The following KIAA1328 variants were observed in gnomAD, a reference collection of about 807,000 sequenced individuals.
KIAA1328 encodes KIAA1328, also known as protein hinderin.
KIAA1328 carries 52 observed loss-of-function variants against 68.1 expected under a neutral mutation model. The observed-to-expected ratio is 0.76, with a 90% CI of 0.61 to 0.96. The LOEUF is 0.96. Ranked by LOEUF, KIAA1328 falls within the 40% of genes least tolerant of loss-of-function variation. KIAA1328 has a pLI of 0.00. For synonymous variants in KIAA1328, 232 were observed against 239.4 expected, an observed-to-expected ratio of 0.97 and a Z score of 0.28; for missense variants, 641 against 677.6, an observed-to-expected ratio of 0.95 and a Z score of 0.60.
chr18:37,191,040 C>T (rs1390212527), intron 9 of KIAA1328, among the ~76,000 whole-genome samples: 2 of 152,128 alleles, frequency 1.3e-5, no homozygotes, highest in African/African-American at 4.8e-5. Flanking sequence ...GGTTTCTTTC[C>T]CATCCATTCC....
rs570594789 is a variant in KIAA1328, at chr18:37,195,958, T to A, written c.1523+22877T>A. 6.7e-4 allele frequency among the ~76,000 whole-genome samples: 102 copies of A among 152,330 alleles called. No individual in the cohort carries two copies. The Middle Eastern group carries it at 0.014, about 20-fold the overall frequency. On this transcript the variant is annotated intron_variant, in intron 9 of 9. Coordinates refer to ENST00000280020, the MANE Select transcript of KIAA1328 (RefSeq NM_020776.3). ...CATGGGATATCTTTCCATTTATTAA[T>A]GTTCTCTTCAATTTCTTTCATCAGT...
intron 4 of KIAA1328, among the ~76,000 whole-genome samples, chr18:36,857,991 A>G (rs962197956): frequency 6.6e-6 from 1 of 152,114 alleles, no homozygotes; most frequent in Non-Finnish European, 1.5e-5. Context: ...ATAGTGGTCT[A>G]TGGTTGCCAA....
chr18:36,949,104 T>C (rs2051035321), intron 5 of KIAA1328, among the ~76,000 whole-genome samples: 8 of 152,130 alleles, frequency 5.3e-5, no homozygotes, highest in Admixed American at 5.2e-4. Context: ...GGGGGAGAGG[T>C]ATGATGGCAG....
intron 4 of KIAA1328, among the ~76,000 whole-genome samples, chr18:36,850,356 G>A (rs560786158): frequency 1.7e-4 from 26 of 152,094 alleles, no homozygotes; most frequent in African/African-American, 6.0e-4. Flanking sequence ...TACTGAATTT[G>A]TTAATAAGCT....
chr18:37,056,105 G>T (rs1411171154), intron 6 of KIAA1328, among the ~76,000 whole-genome samples: 4 of 152,132 alleles, frequency 2.6e-5, no homozygotes, highest in African/African-American at 9.7e-5. Flanking sequence ...TTGTTGATGG[G>T]ATTTCACAAA....
chr18:37,020,233 C>T (rs1444250803), intron 6 of KIAA1328, among the ~76,000 whole-genome samples: 1 of 152,192 alleles, frequency 6.6e-6, no homozygotes, highest in Admixed American at 6.5e-5. Flanking sequence ...AGCGATCCTC[C>T]TGCCTTAGCC....
chr18:37,018,454 T>A (rs992661238), intron 6 of KIAA1328, among the ~76,000 whole-genome samples: 3 of 152,166 alleles, frequency 2.0e-5, no homozygotes, highest in African/African-American at 4.8e-5. Context: ...TGGTGATTAT[T>A]TAGTATAGTA....
chr18:36,857,641 G>A (rs1322909764), intron 4 of KIAA1328, among the ~76,000 whole-genome samples: 2 of 152,094 alleles, frequency 1.3e-5, no homozygotes, highest in Non-Finnish European at 2.9e-5. Flanking sequence ...AACTCCCCTG[G>A]TTACTATGAG....
Position 37,027,840 on chromosome 18 carries a change from A to G in KIAA1328, c.577-39050A>G, listed in dbSNP as rs2054651173. On this transcript the variant is annotated intron_variant, in intron 6 of 9. Coordinates refer to ENST00000280020, the MANE Select transcript of KIAA1328 (RefSeq NM_020776.3). ...CTTCATGTCTAAAACACCAAAAGCA[A>G]TGGCAACAAAAGCCAAAATTGACAA... 1.1e-4 allele frequency among the ~76,000 whole-genome samples: 16 copies of G among 152,248 alleles called. No individual in the cohort carries two copies. In the South Asian group the frequency reaches 3.3e-3, roughly 32 times the overall value.
intron 2 of KIAA1328, among the ~76,000 whole-genome samples, 195 bp downstream of exon 2, chr18:36,834,550 G>A (rs2046608243): frequency 6.6e-6 from 1 of 152,144 alleles, no homozygotes; most frequent in African/African-American, 2.4e-5. Flanking sequence ...CTTTGGGATT[G>A]GCTGGCCCAA....
chr18:37,083,297 A>T (rs906961351), intron 7 of KIAA1328, among the ~76,000 whole-genome samples: 1 of 152,228 alleles, frequency 6.6e-6, no homozygotes, highest in Non-Finnish European at 1.5e-5. Flanking sequence ...TCCTGAAGGG[A>T]ATTAATCCAT....
chr18:36,929,073 T>A (rs1214490646), intron 5 of KIAA1328, among the ~76,000 whole-genome samples: 3 of 152,224 alleles, frequency 2.0e-5, no homozygotes, highest in African/African-American at 7.2e-5. Flanking sequence ...TTCCTTTTGC[T>A]GAAATTCCCC....
intron 6 of KIAA1328, among the ~76,000 whole-genome samples, chr18:37,064,644 AG>A (rs937928750): frequency 2.7e-5 from 4 of 148,242 alleles, no homozygotes; most frequent in Non-Finnish European, 6.0e-5. Context: ...GGCTCTCGAG[AG>A]GGGGAAATTA....
At chr18:37,018,335 G>C (rs1466385290) in intron 6 of KIAA1328, among the ~76,000 whole-genome samples, 1 of 152,128 alleles carries the variant, frequency 6.6e-6, no homozygotes, top group Non-Finnish European at 1.5e-5. Context: ...GAAGCCCACT[G>C]TTAGCCTGAT....
At chr18:37,038,767 GTGTTT>G (rs1367143894) in intron 6 of KIAA1328, among the ~76,000 whole-genome samples, 2 of 151,944 alleles carry the variant, frequency 1.3e-5, no homozygotes, top group Non-Finnish European at 2.9e-5. Flanking sequence ...ATACACATAT[GTGTTT>G]TGTTTCTGAT....
At position 37,224,485 on chromosome 18, in the gene KIAA1328, G is replaced by C; in HGVS notation, c.*2258G>C. 1 of 985,206 alleles carries C rather than the reference G, an allele frequency of 1.0e-6. No homozygotes were observed. Among genetic ancestry groups the C allele is most frequent in the East Asian group, 1.1e-4 (1 of 8,824 alleles). 61.0% of individuals were successfully genotyped at this position (985,206 alleles called of 1,614,324 possible). A position where few individuals can be genotyped will look rare whatever the true frequency, so the allele number is the denominator to read the frequency against. ...CCAGTTGCCTTTTTCTAACTTAATG[G>C]ACATTTTGTTGGTGTTGGTGCAAGG... On this transcript the variant is annotated 3_prime_UTR_variant, in exon 10 of 10. Coordinates refer to ENST00000280020, the MANE Select transcript of KIAA1328 (RefSeq NM_020776.3).
chr18:36,949,977 G>A (rs995133810), intron 5 of KIAA1328, among the ~76,000 whole-genome samples: 5 of 152,330 alleles, frequency 3.3e-5, no homozygotes, highest in South Asian at 4.1e-4. Flanking sequence ...ACAGATCACA[G>A]CTTCATAAAC....
intron 6 of KIAA1328, among the ~76,000 whole-genome samples, chr18:36,996,276 A>G (rs143696050): frequency 2.0e-5 from 3 of 152,292 alleles, no homozygotes; most frequent in African/African-American, 7.2e-5. Flanking sequence ...AGCTCTTTAT[A>G]TATAGACATG....
At chr18:37,139,949 A>G (rs550267641) in intron 7 of KIAA1328, among the ~76,000 whole-genome samples, 1 of 152,320 alleles carries the variant, frequency 6.6e-6, no homozygotes, top group East Asian at 1.9e-4. Flanking sequence ...GATTATTTAG[A>G]AAGTTAATTC....
Sources: allele counts gnomAD v4.1 joint callset (sites outside exome capture counted in the v4.1 genomes callset), GRCh38; gene constraint gnomAD v4.1.1; transcripts MANE v1.5; gene names NCBI Gene and HGNC (gene_info 2026-07-23, HGNC 2026-07-21).